The following DNAH8 variants were observed in gnomAD, a reference collection of about 807,000 sequenced individuals.
DNAH8 encodes the protein dynein axonemal heavy chain 8.
Under a neutral mutation model 562.1 loss-of-function variants are expected in DNAH8, and 382 were observed. The ratio of observed to expected loss-of-function variants is 0.68; its 90% CI spans 0.63 to 0.74. DNAH8 has a LOEUF of 0.74. Ranked by LOEUF, DNAH8 falls within the 30% of genes least tolerant of loss-of-function variation. DNAH8 has a pLI of 0.00. For missense variants in DNAH8, 5,203 were observed against 5,620.4 expected (o/e 0.93, Z 2.37); for synonymous variants, 1,881 against 1,919.4 (o/e 0.98, Z 0.52).
chr6:38,780,170 T>G, intron 15 of DNAH8, 105 bp downstream of exon 15: 2 of 1,108,594 alleles, frequency 1.8e-6, no homozygotes, highest in African/African-American at 3.1e-5. Flanking sequence ...AGAGTGATTC[T>G]TTCTCTGCTA....
intron 10 of DNAH8, among the ~76,000 whole-genome samples, chr6:38,758,618 G>A (rs1766163675): frequency 6.6e-6 from 1 of 151,508 alleles, no homozygotes; most frequent in Non-Finnish European, 1.5e-5. Context: ...GTTTTCAAAG[G>A]GAATGCTTCC....
intron 12 of DNAH8, among the ~76,000 whole-genome samples, chr6:38,772,971 C>CTTTTTTTTTTTTTTTTTTTTTTTTTTTT (rs58784448): frequency 1.1e-5 from 1 of 88,088 alleles, no homozygotes; most frequent in African/African-American, 5.2e-5. Flanking sequence ...GCTAATTAAA[C>CTTTTTTTTTTTTTTTTTTTTTTTTTTTT]TTTTTTTTTT....
Position 38,870,781 on chromosome 6 carries a change from A to C in DNAH8, c.6990+219A>C, listed in dbSNP as rs72852742. On this transcript the variant is annotated intron_variant, in intron 49 of 92. Transcript: ENST00000327475. ...CAGTAATCAAGCAGTAATTTACTGC[A>C]GTTTTTACTTATACCTGGTGACAAT... Among the ~76,000 whole-genome samples the C allele has an allele frequency of 0.12, 18,839 of 152,200 alleles. 1,417 individuals carry two copies. Among genetic ancestry groups the C allele is most frequent in the Admixed American group, 0.21 (3,257 of 15,266 alleles).
intron 8 of DNAH8, among the ~76,000 whole-genome samples, chr6:38,748,793 T>TAATAA (rs1765178872): frequency 2.8e-5 from 2 of 70,862 alleles, no homozygotes; most frequent in South Asian, 4.8e-4. Flanking sequence ...AATAATAATA[T>TAATAA]AACATTTATT....
intron 6 of DNAH8, 69 bp downstream of exon 6, chr6:38,737,325 A>T (rs945653305): frequency 2.0e-6 from 2 of 977,370 alleles, no homozygotes; most frequent in African/African-American, 3.4e-5. Context: ...TTTCATAAAC[A>T]GAGAAAAAGT....
intron 67 of DNAH8, 46 bp downstream of exon 67, chr6:38,913,998 A>G (rs1219531088): frequency 7.2e-7 from 1 of 1,389,192 alleles, no homozygotes; most frequent in Non-Finnish European, 1.0e-6. Context: ...ATTTTTCCAT[A>G]TTAAAATGCA....
At chr6:38,838,268 G>A (rs1774465504) in intron 33 of DNAH8, among the ~76,000 whole-genome samples, 1 of 152,156 alleles carries the variant, frequency 6.6e-6, no homozygotes, top group South Asian at 2.1e-4. Context: ...TTTTGAGCAT[G>A]CATGGTCTAT....
At position 38,756,038 on chromosome 6, in the gene DNAH8, T is replaced by C. The variant is rs757231620; in HGVS notation, c.1474T>C (p.Tyr492His). Reference protein sequence around the residue: ...AIRMIHGVSRYYNTSERMTSL... With the variant: ...AIRMIHGVSRHYNTSERMTSL... Reference sequence around the variant, plus strand: ...CAGAATGATTCACGGTGTGTCAAGGTATTATAATACCTCAGAGAGAATGAC... The same window carrying C: ...CAGAATGATTCACGGTGTGTCAAGGCATTATAATACCTCAGAGAGAATGAC... The change falls in exon 10 of 93, where the codon TAT (tyrosine) becomes CAT (histidine). Residue 492 changes from tyrosine (Y) to histidine (H), a missense_variant. Around this residue, in one of 6 missense-constraint regions of DNAH8, gnomAD observed 2,176 missense variants for 2,365.1 expected, o/e 0.92. Coordinates refer to ENST00000327475, the MANE Select transcript of DNAH8 (RefSeq NM_001206927.2). 2 of 1,608,712 alleles carry C rather than the reference T, an allele frequency of 1.2e-6. No homozygotes were observed. Among genetic ancestry groups the C allele is most frequent in the Admixed American group, 3.3e-5 (2 of 59,926 alleles).
chr6:38,988,683 C>T (rs1163185761), intron 87 of DNAH8, among the ~76,000 whole-genome samples: 1 of 152,082 alleles, frequency 6.6e-6, no homozygotes, highest in Non-Finnish European at 1.5e-5. Flanking sequence ...CCCTATATTC[C>T]ATTATTCCCT....
intron 28 of DNAH8, among the ~76,000 whole-genome samples, chr6:38,824,593 C>T (rs1370899667): frequency 1.3e-5 from 2 of 152,102 alleles, no homozygotes; most frequent in African/African-American, 4.8e-5. Flanking sequence ...TATTTTACAT[C>T]CATTATCCAC....
chr6:38,834,550 G>T (rs1774120609), intron 31 of DNAH8, 29 bp from the exon 32 acceptor site: 16 of 1,467,002 alleles, frequency 1.1e-5, no homozygotes, highest in Non-Finnish European at 1.5e-5. Context: ...GATTAAGAAT[G>T]AAAATGGAGA....
At chr6:38,741,613 C>A in intron 7 of DNAH8, 98 bp from the exon 8 acceptor site, 1 of 1,021,250 alleles carries the variant, frequency 9.8e-7, no homozygotes, top group Non-Finnish European at 1.4e-6. Flanking sequence ...TGGTATTGAA[C>A]ATTATTTATA....
At chr6:38,774,404 A>G in intron 12 of DNAH8, among the ~76,000 whole-genome samples, 1 of 152,070 alleles carries the variant, frequency 6.6e-6, no homozygotes, top group Non-Finnish European at 1.5e-5. Flanking sequence ...GTGAGTACTG[A>G]GAGATTGAAC....
At chr6:39,017,404 C>T (rs1231767813) in intron 91 of DNAH8, among the ~76,000 whole-genome samples, 1 of 152,170 alleles carries the variant, frequency 6.6e-6, no homozygotes, top group South Asian at 2.1e-4. Context: ...AGCCTGACTT[C>T]AGGCCAGGGT....
intron 13 of DNAH8, among the ~76,000 whole-genome samples, chr6:38,776,381 T>C (rs113213096): frequency 0.12 from 18,637 of 151,998 alleles, 1,394 homozygotes; most frequent in Admixed American, 0.22. Context: ...CCACGCCTGG[T>C]TAATTTTTGT....
chr6:38,921,739 A>T (rs896024292), intron 71 of DNAH8, among the ~76,000 whole-genome samples: 2 of 151,748 alleles, frequency 1.3e-5, no homozygotes, highest in Non-Finnish European at 1.5e-5. Context: ...GACACTTGTT[A>T]ATTGTGTGGT....
In DNAH8 at chr6:38,984,280, C is replaced by A; in HGVS notation, c.13026C>A (p.Asp4342Glu). Residue 4342 changes from aspartate (D) to glutamate (E), a missense_variant, in exon 87 of 93, where the codon GAC (aspartate) becomes GAA (glutamate). By Grantham distance (45) the Asp-to-Glu change is conservative. This residue lies in a region of DNAH8 where 1,399 missense variants were observed against 1,518.4 expected (regional missense o/e 0.92). Transcript: ENST00000327475. ...GAGGCAGAGTGACAGATGACTTTGA[C>A]AAACGTCTACTTAATTGCTTTGCCA... ...QYGGRVTDDFDKRLLNCFARV... is the reference protein window; with the variant it reads ...QYGGRVTDDFEKRLLNCFARV... 1 of 1,607,574 alleles carries A rather than the reference C, an allele frequency of 6.2e-7. No individual in the cohort carries two copies. Among genetic ancestry groups the A allele is most frequent in the Non-Finnish European group, 8.5e-7 (1 of 1,174,034 alleles).
At chr6:38,809,021 A>G (rs968874419) in intron 24 of DNAH8, among the ~76,000 whole-genome samples, 1 of 152,042 alleles carries the variant, frequency 6.6e-6, no homozygotes, top group Non-Finnish European at 1.5e-5. Context: ...GTAAACCACC[A>G]TAGCATGTGT....
chr6:38,861,340 C>T (rs1776605843), intron 43 of DNAH8, among the ~76,000 whole-genome samples: 1 of 152,172 alleles, frequency 6.6e-6, no homozygotes, highest in Non-Finnish European at 1.5e-5. Context: ...TTGGTGTTTA[C>T]ATATTAAGCA....
Sources: gnomAD v4.1 joint callset for allele counts (sites outside exome capture counted in the v4.1 genomes callset) on GRCh38, gnomAD v4.1.1 for gene constraint, gnomAD v4.1.1 regional missense constraint, MANE v1.5 for transcripts, NCBI Gene and HGNC (gene_info 2026-07-23, HGNC 2026-07-21) for gene names.